DNAAF6: variants seen among roughly 807,000 people sequenced by gnomAD.
DNAAF6 encodes the protein dynein axonemal assembly factor 6.
A neutral mutation model predicts 13.7 loss-of-function variants in DNAAF6; 3 were observed. That is an observed-to-expected ratio of 0.22 (90% CI 0.10 to 0.56). The LOEUF is 0.56. Ranked by LOEUF, DNAAF6 falls within the 20% of genes least tolerant of loss-of-function variation. The pLI is 0.92. For missense variants in DNAAF6, 130 were observed against 151.0 expected (o/e 0.86, Z 0.73); for synonymous variants, 54 against 49.2 (o/e 1.10, Z -0.41).
intron 1 of DNAAF6, among the ~76,000 whole-genome samples, chrX:107,209,144 T>A (rs1390680318): frequency 9.0e-6 from 1 of 111,637 alleles, no homozygotes. Context: ...AATTAGTCAG[T>A]ATATTATAAT....
At chrX:107,220,935 C>CTTTCTTTCTT (rs1928115231) in intron 4 of DNAAF6, among the ~76,000 whole-genome samples, 1 of 81,478 alleles carries the variant, frequency 1.2e-5, no homozygotes, top group Non-Finnish European at 2.2e-5. Context: ...TTCTTTCTTT[C>CTTTCTTTCTT]TTTCTTTCTT....
At position 107,243,315 on chromosome X, in the gene DNAAF6, T is replaced by A; in HGVS notation, c.*17T>A. On this transcript the variant is annotated 3_prime_UTR_variant, in exon 7 of 7. Transcript: ENST00000372453. ...TTCTTCTGAAACTGCATGAAAAAGATAAAAAGTAGTAAAATGGCATTGGTA... is the reference window on the plus strand; with the variant it reads ...TTCTTCTGAAACTGCATGAAAAAGAAAAAAAGTAGTAAAATGGCATTGGTA... The A allele has an allele frequency of 2.5e-6, 3 of 1,183,391 alleles. No homozygotes were observed.
intron 2 of DNAAF6, among the ~76,000 whole-genome samples, chrX:107,213,696 A>G (rs1471626163): frequency 3.6e-5 from 4 of 111,562 alleles, no homozygotes; most frequent in Non-Finnish European, 7.5e-5. Context: ...TCCCAGAACA[A>G]TTAAAACACT....
At chrX:107,211,957 TA>T (rs1271194458) in intron 1 of DNAAF6, among the ~76,000 whole-genome samples, 5 of 112,171 alleles carry the variant, frequency 4.5e-5, no homozygotes, top group Non-Finnish European at 7.5e-5. Context: ...TACATCAGTG[TA>T]TAACCTTCCA....
At chrX:107,230,905 T>G (rs1439223231) in intron 5 of DNAAF6, among the ~76,000 whole-genome samples, 1 of 111,796 alleles carries the variant, frequency 8.9e-6, no homozygotes, top group Non-Finnish European at 1.9e-5. Context: ...CCAAGTTATT[T>G]CCCGATTCCT....
At chrX:107,212,211 G>A (rs896522842) in intron 1 of DNAAF6, among the ~76,000 whole-genome samples, 1 of 110,875 alleles carries the variant, frequency 9.0e-6, no homozygotes, top group Non-Finnish European at 1.9e-5. Context: ...ATGTACCAAA[G>A]GAACCATAAC....
intron 5 of DNAAF6, among the ~76,000 whole-genome samples, chrX:107,234,941 T>C (rs931415218): frequency 2.7e-5 from 3 of 111,793 alleles, no homozygotes; most frequent in Admixed American, 9.5e-5. Flanking sequence ...AGGAACCATC[T>C]TGTCATACAC....
chrX:107,219,092 A>T, intron 4 of DNAAF6, 123 bp downstream of exon 4: 1 of 856,865 alleles, frequency 1.2e-6, no homozygotes, highest in Non-Finnish European at 1.5e-6. Flanking sequence ...CTACAGTGAC[A>T]CACGGAAGGC....
chrX:107,238,175 T>A (rs1267740345), intron 5 of DNAAF6, among the ~76,000 whole-genome samples: 3 of 111,544 alleles, frequency 2.7e-5, no homozygotes, highest in Non-Finnish European at 5.6e-5. Context: ...ACACATTTTG[T>A]TTTTTCCATT....
intron 3 of DNAAF6, among the ~76,000 whole-genome samples, chrX:107,218,249 C>G (rs1928037652): frequency 8.9e-6 from 1 of 111,791 alleles, no homozygotes; most frequent in African/African-American, 3.2e-5. Context: ...AACCCAACCT[C>G]ATGCTCAGCT....
intron 6 of DNAAF6, among the ~76,000 whole-genome samples, chrX:107,239,259 G>T (rs1569377226): frequency 9.0e-6 from 1 of 111,722 alleles, no homozygotes; most frequent in Non-Finnish European, 1.9e-5. Flanking sequence ...TTGACACCCA[G>T]ATGCAGTTTA....
intron 1 of DNAAF6, among the ~76,000 whole-genome samples, chrX:107,211,614 C>T (rs141536960): frequency 0.012 from 1,314 of 111,667 alleles, 6 homozygotes; most frequent in Non-Finnish European, 0.02. Context: ...GAGGACCATC[C>T]CCTTCGAAGT....
chrX:107,232,186 C>T (rs920078697), intron 5 of DNAAF6, among the ~76,000 whole-genome samples: 1 of 111,995 alleles, frequency 8.9e-6, no homozygotes, highest in African/African-American at 3.2e-5. Context: ...AATGCTACCA[C>T]TTTGAAACAG....
Position 107,218,973 on chromosome X carries a change from A to T in DNAAF6, c.332+4A>T. 8.6e-7 allele frequency: 1 copy of T among 1,168,950 alleles called. No homozygotes were observed. The highest frequency in any genetic ancestry group is 2.9e-5 in the Admixed American group (1 of 34,534). On this transcript the variant is annotated splice_donor_region_variant and intron_variant, in intron 4 of 6. Coordinates refer to ENST00000372453, the MANE Select transcript of DNAAF6 (RefSeq NM_173494.2). ...GGGATGTTAGAGAAATCCCAGAGTAAGTCAAATGAAGCCAGGAATGTCTTT... is the reference window on the plus strand; with the variant it reads ...GGGATGTTAGAGAAATCCCAGAGTATGTCAAATGAAGCCAGGAATGTCTTT...
chrX:107,222,508 G>A (rs1190793098), intron 4 of DNAAF6, among the ~76,000 whole-genome samples: 1 of 111,525 alleles, frequency 9.0e-6, no homozygotes, highest in Non-Finnish European at 1.9e-5. Context: ...CTCTGAAACA[G>A]TTAAAGCTTT....
At chrX:107,238,244 T>C (rs916266266) in intron 5 of DNAAF6, among the ~76,000 whole-genome samples, 12 of 111,321 alleles carry the variant, frequency 1.1e-4, no homozygotes, top group Non-Finnish European at 2.3e-4. Flanking sequence ...ATAGGGCTCC[T>C]ATAAGCAAAA....
chrX:107,223,936 T>G (rs1928202634), intron 5 of DNAAF6, among the ~76,000 whole-genome samples: 1 of 111,440 alleles, frequency 9.0e-6, no homozygotes, highest in African/African-American at 3.3e-5. Flanking sequence ...ATTGTGTTTT[T>G]GATGTGTAAT....
chrX:107,219,572 A>C (rs1569372674), intron 4 of DNAAF6, among the ~76,000 whole-genome samples: 2 of 111,716 alleles, frequency 1.8e-5, no homozygotes, highest in Admixed American at 1.9e-4. Context: ...AAGCACTCAT[A>C]CTTTTAAGAA....
intron 6 of DNAAF6, among the ~76,000 whole-genome samples, chrX:107,240,628 C>T (rs968540727): frequency 5.4e-5 from 6 of 111,466 alleles, no homozygotes; most frequent in African/African-American, 2.0e-4. Context: ...ATTCGAATTA[C>T]CAATAAAACC....
Sources: allele counts gnomAD v4.1 joint callset (sites outside exome capture counted in the v4.1 genomes callset), GRCh38; gene constraint gnomAD v4.1.1; transcripts MANE v1.5; gene names NCBI Gene and HGNC (gene_info 2026-07-23, HGNC 2026-07-21).